ERBB4: variants seen among roughly 807,000 people sequenced by gnomAD.
ERBB4 encodes the protein erb-b2 receptor tyrosine kinase 4, also known as receptor tyrosine-protein kinase erbB-4.
Under a neutral mutation model 158.0 loss-of-function variants are expected in ERBB4, and 42 were observed. The observed-to-expected ratio is 0.27, with a 90% confidence interval of 0.21 to 0.34. The LOEUF is 0.34. Among genes scored for constraint, ERBB4 ranks in the 10% least tolerant of loss-of-function variants. ERBB4 has a pLI of 1.00. For synonymous variants in ERBB4, 583 were observed against 558.7 expected (o/e 1.04, Z -0.61); for missense variants, 1,333 against 1,624.1 (o/e 0.82, Z 3.08).
At chr2:211,842,920 T>C (rs1372830830) in intron 3 of ERBB4, among the ~76,000 whole-genome samples, 2 of 152,110 alleles carry the variant, frequency 1.3e-5, no homozygotes, top group African/African-American at 2.4e-5. Context: ...TACAAACAAA[T>C]CTGATAGCTA....
intron 13 of ERBB4, among the ~76,000 whole-genome samples, chr2:211,677,601 G>A (rs186690262): frequency 3.0e-4 from 45 of 151,154 alleles, no homozygotes; most frequent in African/African-American, 1.1e-3. Flanking sequence ...GAGGCCAGGC[G>A]CAGTGGCTTA....
At chr2:212,199,061 T>TG (rs2082516532) in intron 1 of ERBB4, among the ~76,000 whole-genome samples, 2 of 152,296 alleles carry the variant, frequency 1.3e-5, no homozygotes, top group Admixed American at 1.3e-4. Flanking sequence ...AATTTGTTTT[T>TG]GGGGAATCAC....
intron 1 of ERBB4, among the ~76,000 whole-genome samples, chr2:212,371,513 C>T (rs896340327): frequency 1.2e-4 from 18 of 152,280 alleles, no homozygotes; most frequent in South Asian, 2.1e-4. Context: ...TTACCCACTA[C>T]GTACTGTCTT....
intron 2 of ERBB4, among the ~76,000 whole-genome samples, chr2:212,103,599 T>C (rs1046536838): frequency 1.3e-5 from 2 of 152,082 alleles, no homozygotes; most frequent in African/African-American, 2.4e-5. Flanking sequence ...AAGATAAACA[T>C]AATTCTGGGA....
intron 3 of ERBB4, among the ~76,000 whole-genome samples, chr2:211,864,942 C>T (rs2078166683): frequency 6.6e-6 from 1 of 152,076 alleles, no homozygotes; most frequent in African/African-American, 2.4e-5. Context: ...ATCTTGGAAG[C>T]AGAGGTTGCA....
At chr2:212,388,602 A>C (rs943463110) in intron 1 of ERBB4, among the ~76,000 whole-genome samples, 2 of 152,116 alleles carry the variant, frequency 1.3e-5, no homozygotes, top group African/African-American at 4.8e-5. Context: ...GATGGACTGG[A>C]ATGGACAAAG....
At chr2:211,894,840 C>T (rs74805996) in intron 3 of ERBB4, among the ~76,000 whole-genome samples, 16,378 of 152,024 alleles carry the variant, frequency 0.11, 1,101 homozygotes, top group African/African-American at 0.18. Context: ...TACAGGGTAA[C>T]GATCTAAGAT....
At chr2:212,497,192 A>C (rs930159040) in intron 1 of ERBB4, among the ~76,000 whole-genome samples, 10 of 151,966 alleles carry the variant, frequency 6.6e-5, no homozygotes, top group Non-Finnish European at 1.0e-4. Context: ...AAAAAAAAAA[A>C]AAAAACCCTA....
intron 13 of ERBB4, among the ~76,000 whole-genome samples, chr2:211,676,528 A>G (rs758051672): frequency 1.3e-5 from 2 of 152,174 alleles, no homozygotes; most frequent in African/African-American, 4.8e-5. Flanking sequence ...AAAAGCTAAA[A>G]ACTGTAATAT....
At chr2:212,279,031 A>C (rs932535791) in intron 1 of ERBB4, among the ~76,000 whole-genome samples, 1 of 151,570 alleles carries the variant, frequency 6.6e-6, no homozygotes, top group Non-Finnish European at 1.5e-5. Context: ...TTTAAAATAA[A>C]ATATATCAGA....
chr2:211,596,633 T>C (rs1419491622), intron 19 of ERBB4, among the ~76,000 whole-genome samples: 3 of 152,152 alleles, frequency 2.0e-5, no homozygotes, highest in African/African-American at 7.2e-5. Context: ...CCTGAAGACC[T>C]TTCTCTAGGT....
At chr2:211,974,093 G>A (rs571573192) in intron 2 of ERBB4, among the ~76,000 whole-genome samples, 7 of 152,228 alleles carry the variant, frequency 4.6e-5, no homozygotes, top group African/African-American at 1.7e-4. Context: ...GGTGGACGGT[G>A]GGAGGAGGGA....
chr2:211,695,938 CTTTT>C (rs986104494), intron 12 of ERBB4, among the ~76,000 whole-genome samples: 3 of 151,228 alleles, frequency 2.0e-5, no homozygotes, highest in Non-Finnish European at 2.9e-5. Context: ...CTTGCTCTTT[CTTTT>C]CTTTCTTTTT....
chr2:211,961,918 G>GA (rs1405697376), intron 2 of ERBB4, among the ~76,000 whole-genome samples: 2 of 152,200 alleles, frequency 1.3e-5, no homozygotes, highest in African/African-American at 4.8e-5. Flanking sequence ...AGTGTCCAGG[G>GA]ATGCATACTT....
At chr2:212,112,904 G>C (rs1417781380) in intron 2 of ERBB4, among the ~76,000 whole-genome samples, 1 of 152,094 alleles carries the variant, frequency 6.6e-6, no homozygotes, top group Non-Finnish European at 1.5e-5. Context: ...ATTTAACACA[G>C]CTTATTATCT....
chr2:212,205,568 CT>C (rs1048291197), intron 1 of ERBB4, among the ~76,000 whole-genome samples: 1 of 152,126 alleles, frequency 6.6e-6, no homozygotes, highest in African/African-American at 2.4e-5. Flanking sequence ...ATGGCATTTA[CT>C]TTCTGAATTC....
intron 4 of ERBB4, among the ~76,000 whole-genome samples, chr2:211,784,747 A>T (rs1359754167): frequency 2.0e-5 from 3 of 151,868 alleles, no homozygotes; most frequent in Non-Finnish European, 2.9e-5. Context: ...TCACCTCCTC[A>T]CATTTGTTAT....
At chr2:212,476,341 G>A (rs571177095) in intron 1 of ERBB4, among the ~76,000 whole-genome samples, 4 of 152,222 alleles carry the variant, frequency 2.6e-5, no homozygotes, top group South Asian at 2.1e-4. Flanking sequence ...ATACCTAGCA[G>A]ATAGTAGGTG....
chr2:212,495,089 C>T (rs561487968), intron 1 of ERBB4, among the ~76,000 whole-genome samples: 59 of 148,236 alleles, frequency 4.0e-4, no homozygotes, highest in South Asian at 3.4e-3. Context: ...GCACTTCAGA[C>T]GACCTCAACT....
Sources: allele counts gnomAD v4.1 joint callset (sites outside exome capture counted in the v4.1 genomes callset), GRCh38; gene constraint gnomAD v4.1.1; transcripts MANE v1.5; gene names NCBI Gene and HGNC (gene_info 2026-07-23, HGNC 2026-07-21).